EHD4: variants seen among roughly 807,000 people sequenced by gnomAD.
EHD4 encodes EH domain containing 4.
A neutral mutation model predicts 51.0 loss-of-function variants in EHD4; 37 were observed. The observed-to-expected ratio is 0.73, with a 90% confidence interval of 0.56 to 0.95. The LOEUF is 0.95. Ranked by LOEUF, EHD4 falls within the 40% of genes least tolerant of loss-of-function variation. EHD4 has a pLI of 0.00. For missense variants in EHD4, 632 were observed against 733.1 expected, an observed-to-expected ratio of 0.86 and a Z score of 1.59; for synonymous variants, 297 against 317.3, an observed-to-expected ratio of 0.94 and a Z score of 0.68.
intron 3 of EHD4, among the ~76,000 whole-genome samples, chr15:41,930,275 A>T (rs2067690020): frequency 1.3e-5 from 2 of 152,170 alleles, no homozygotes; most frequent in Admixed American, 1.3e-4. Flanking sequence ...TCCATTCCTC[A>T]TTTTTCAAGT....
intron 3 of EHD4, among the ~76,000 whole-genome samples, chr15:41,920,060 C>G (rs1218438440): frequency 1.3e-5 from 2 of 152,214 alleles, no homozygotes; most frequent in African/African-American, 4.8e-5. Flanking sequence ...CCAGAGGCCA[C>G]CTGGCATCCC....
chr15:41,925,202 G>A (rs750737906), intron 3 of EHD4, among the ~76,000 whole-genome samples: 1 of 152,170 alleles, frequency 6.6e-6, no homozygotes, highest in Non-Finnish European at 1.5e-5. Flanking sequence ...ACAAACTGCT[G>A]AATGGACCAG....
intron 1 of EHD4, among the ~76,000 whole-genome samples, chr15:41,971,671 G>C (rs1023992192): frequency 6.6e-6 from 1 of 152,188 alleles, no homozygotes; most frequent in African/African-American, 2.4e-5. Flanking sequence ...GCTGCTACAC[G>C]CAGCTCACTT....
intron 4 of EHD4, among the ~76,000 whole-genome samples, chr15:41,916,299 T>C (rs1240032816): frequency 6.6e-6 from 1 of 152,222 alleles, no homozygotes; most frequent in African/African-American, 2.4e-5. Context: ...TTCAGGTGAC[T>C]GCTTTCTGGA....
chr15:41,909,952 CACATA>C, intron 4 of EHD4, 89 bp from the exon 5 acceptor site: 3 of 1,517,358 alleles, frequency 2.0e-6, no homozygotes, highest in Non-Finnish European at 2.7e-6. Flanking sequence ...TCCATCATAA[CACATA>C]ACAGGTACCC....
chr15:41,912,271 G>T (rs1047667327), intron 4 of EHD4, among the ~76,000 whole-genome samples: 17 of 152,286 alleles, frequency 1.1e-4, no homozygotes, highest in African/African-American at 4.1e-4. Context: ...CTTCTAGGAA[G>T]TTCTGTTAGC....
chr15:41,918,561 C>T (rs1046793198), intron 4 of EHD4, among the ~76,000 whole-genome samples: 3 of 152,212 alleles, frequency 2.0e-5, no homozygotes, highest in Non-Finnish European at 4.4e-5. Flanking sequence ...CTCTCACTGC[C>T]CCATTGGGCA....
chr15:41,902,107 A>G (rs113540128), intron 5 of EHD4, among the ~76,000 whole-genome samples: 15 of 152,200 alleles, frequency 9.9e-5, no homozygotes, highest in Non-Finnish European at 2.1e-4. Flanking sequence ...AGAGCAGCAG[A>G]AGCACAGGCT....
intron 2 of EHD4, among the ~76,000 whole-genome samples, chr15:41,943,528 G>C (rs2067791228): frequency 1.3e-5 from 2 of 152,214 alleles, no homozygotes; most frequent in African/African-American, 4.8e-5. Flanking sequence ...TTGACCTCAT[G>C]AGGTGAAGGA....
chr15:41,970,765 C>T (rs1455493400), intron 1 of EHD4, among the ~76,000 whole-genome samples: 1 of 152,190 alleles, frequency 6.6e-6, no homozygotes, highest in East Asian at 1.9e-4. Context: ...CACTAAATTA[C>T]AAAAATATAT....
chr15:41,947,480 C>T (rs187254639), intron 2 of EHD4, among the ~76,000 whole-genome samples: 9 of 152,276 alleles, frequency 5.9e-5, no homozygotes, highest in South Asian at 4.1e-4. Flanking sequence ...AAGCTTACAG[C>T]GGAGAGAGTA....
At chr15:41,942,399 C>T (rs1231555700) in intron 3 of EHD4, 1 of 135,394 alleles carries the variant, frequency 7.4e-6, no homozygotes, top group African/African-American at 3.0e-5. Context: ...TGCCCACCAC[C>T]ATGCCCAGCT....
At chr15:41,937,937 C>T (rs2067743071) in intron 3 of EHD4, among the ~76,000 whole-genome samples, 1 of 152,148 alleles carries the variant, frequency 6.6e-6, no homozygotes, top group Non-Finnish European at 1.5e-5. Context: ...TGGGGAATAT[C>T]TGCACATACA....
rs559023423 is a variant in EHD4 at position 41,905,270 on chromosome 15, C to T, written c.1090-4089G>A. Reference sequence around the variant, plus strand: ...GCTGCCTTGTTCCTTGGGGATTCTCCGAAGGAATGGGGTGATGTGACTGGG... The same window carrying T: ...GCTGCCTTGTTCCTTGGGGATTCTCTGAAGGAATGGGGTGATGTGACTGGG... On this transcript the variant is annotated intron_variant, in intron 5 of 5. Transcript: ENST00000220325. 6.6e-5 allele frequency among the ~76,000 whole-genome samples: 10 copies of T among 152,312 alleles called. No individual in the cohort carries two copies. In the East Asian group the frequency reaches 1.5e-3, roughly 24 times the overall value.
chr15:41,948,079 C>T (rs2067826999), intron 2 of EHD4, among the ~76,000 whole-genome samples: 1 of 147,936 alleles, frequency 6.8e-6, no homozygotes, highest in Admixed American at 6.6e-5. Flanking sequence ...CACAGTGAAA[C>T]CCTGTCTGTA....
intron 1 of EHD4, among the ~76,000 whole-genome samples, chr15:41,966,346 C>T (rs1438077690): frequency 6.6e-6 from 1 of 152,182 alleles, no homozygotes; most frequent in East Asian, 1.9e-4. Context: ...CTACTGACCA[C>T]CACCTCTCTC....
chr15:41,968,984 GTTGAACTATAGTT>G (rs1258059261), intron 1 of EHD4, among the ~76,000 whole-genome samples: 19 of 152,274 alleles, frequency 1.2e-4, no homozygotes, highest in African/African-American at 4.1e-4. Flanking sequence ...AGCACCATTT[GTTGAACTATAGTT>G]TCCCCCATTG....
At chr15:41,927,857 A>G (rs998915831) in intron 3 of EHD4, among the ~76,000 whole-genome samples, 1 of 152,238 alleles carries the variant, frequency 6.6e-6, no homozygotes, top group African/African-American at 2.4e-5. Context: ...TTCTTATCAC[A>G]GTAAAATACA....
chr15:41,919,992 G>T (rs2899034), intron 3 of EHD4, among the ~76,000 whole-genome samples: 7,479 of 152,276 alleles, frequency 0.049, 275 homozygotes, highest in Non-Finnish European at 0.064. Flanking sequence ...TGGGTCAAAA[G>T]ATCTTACTTC....
Sources: gnomAD v4.1 joint callset for allele counts (sites outside exome capture counted in the v4.1 genomes callset) on GRCh38, gnomAD v4.1.1 for gene constraint, MANE v1.5 for transcripts, NCBI Gene and HGNC (gene_info 2026-07-23, HGNC 2026-07-21) for gene names.